The following CRK variants were observed in gnomAD, a reference collection of about 807,000 sequenced individuals.
CRK encodes CRK proto-oncogene, adaptor protein, also known as adapter molecule crk.
CRK carries 4 observed loss-of-function variants against 29.8 expected under a neutral mutation model. The ratio of observed to expected loss-of-function variants is 0.13; its 90% confidence interval spans 0.07 to 0.31. The LOEUF (loss-of-function observed/expected upper bound fraction) is 0.31. Ranked by LOEUF, CRK falls within the 10% of genes least tolerant of loss-of-function variation. The pLI is 1.00. For synonymous variants in CRK, 153 were observed against 164.9 expected (o/e 0.93, Z 0.55); for missense variants, 274 against 396.5 (o/e 0.69, Z 2.62).
At chr17:1,435,991 A>T (rs1297030248) in intron 2 of CRK, among the ~76,000 whole-genome samples, 1 of 152,172 alleles carries the variant, frequency 6.6e-6, no homozygotes, top group Admixed American at 6.6e-5. Context: ...TGGGCTGCCA[A>T]AGATATTTCA....
At chr17:1,427,636 TTTTG>T (rs1258565639) in intron 2 of CRK, among the ~76,000 whole-genome samples, 23 of 151,818 alleles carry the variant, frequency 1.5e-4, no homozygotes, top group African/African-American at 4.6e-4. Flanking sequence ...TCTTTATTCT[TTTTG>T]TTTGTTTGAG....
chr17:1,428,598 A>G (rs1232044394), intron 2 of CRK, among the ~76,000 whole-genome samples: 1 of 135,898 alleles, frequency 7.4e-6, no homozygotes, highest in African/African-American at 2.8e-5. Context: ...ATCTCAGCTC[A>G]CTGCAACCTC....
intron 2 of CRK, among the ~76,000 whole-genome samples, chr17:1,426,818 T>C (rs1568007716): frequency 1.3e-5 from 2 of 151,160 alleles, no homozygotes; most frequent in Non-Finnish European, 2.9e-5. Context: ...GCCGAGACTG[T>C]GCCACTGCAC....
At chr17:1,448,148 G>C (rs2073989210) in intron 1 of CRK, among the ~76,000 whole-genome samples, 2 of 151,614 alleles carry the variant, frequency 1.3e-5, no homozygotes, top group South Asian at 4.2e-4. Context: ...TTCCATCTGA[G>C]AAGATATATG....
Position 1,421,878 on chromosome 17 carries a change from C to A in CRK, c.*1635G>T, listed in dbSNP as rs1007692473. 1 of 152,176 alleles carries A rather than the reference C, an allele frequency of 6.6e-6. No homozygotes were observed. The highest frequency in any genetic ancestry group is 1.5e-5 in the Non-Finnish European group (1 of 68,040). The allele number at this position is 152,176 out of a possible 1,614,324, so 9.4% of individuals were successfully genotyped here. On this transcript the variant is annotated 3_prime_UTR_variant, in exon 3 of 3. Coordinates refer to ENST00000300574, the MANE Select transcript of CRK (RefSeq NM_016823.4). ...TCTATTGGTCATACCACACCAGAGA[C>A]CGGTAAGTGCCTTTATAGACTGAGA...
At chr17:1,451,017 C>T (rs1191114523) in intron 1 of CRK, among the ~76,000 whole-genome samples, 2 of 151,300 alleles carry the variant, frequency 1.3e-5, no homozygotes, top group South Asian at 4.2e-4. Context: ...ACGGTGAAAC[C>T]CCATCTCCAC....
intron 2 of CRK, among the ~76,000 whole-genome samples, chr17:1,435,163 G>A (rs1462568809): frequency 6.6e-6 from 1 of 152,028 alleles, no homozygotes; most frequent in Non-Finnish European, 1.5e-5. Flanking sequence ...AGGCTCAGGT[G>A]ATCCTCCCTC....
intron 1 of CRK, among the ~76,000 whole-genome samples, chr17:1,444,880 G>C (rs2073962617): frequency 6.6e-6 from 1 of 151,708 alleles, no homozygotes; most frequent in Non-Finnish European, 1.5e-5. Flanking sequence ...CAGGCACGAT[G>C]GCTCATGCCT....
At chr17:1,438,434 G>T (rs1053806264) in intron 1 of CRK, among the ~76,000 whole-genome samples, 1 of 151,980 alleles carries the variant, frequency 6.6e-6, no homozygotes, top group Non-Finnish European at 1.5e-5. Context: ...CTGGCCTCTG[G>T]TATCTTTTTA....
In CRK at chr17:1,437,022, A is replaced by G. The variant is rs146930761; in HGVS notation, c.375T>C (p.Ser125=). 1.8e-4 allele frequency: 293 copies of G among 1,614,090 alleles called. No individual in the cohort carries two copies. The African/African-American group carries it at 3.7e-3, about 20-fold the overall frequency. The part of the protein sequence containing the change: ...IEPVSRSRQG[S]GVILRQEEAE... ...CCTCCTCCTGCCTGAGAATCACTCC[A>G]CTACCCTGCCTGGATCTGGAAACTG... Residue 125 remains serine (S), a synonymous_variant, in exon 2 of 3, where the codon AGT becomes AGC. Coordinates refer to ENST00000300574, the MANE Select transcript of CRK (RefSeq NM_016823.4).
chr17:1,436,161 T>C (rs1446332969), intron 2 of CRK, among the ~76,000 whole-genome samples: 1 of 152,098 alleles, frequency 6.6e-6, no homozygotes, highest in Non-Finnish European at 1.5e-5. Flanking sequence ...CAATGAACAT[T>C]AGTGGTAAGG....
At chr17:1,450,975 A>G (rs912509263) in intron 1 of CRK, among the ~76,000 whole-genome samples, 5 of 151,780 alleles carry the variant, frequency 3.3e-5, no homozygotes, top group African/African-American at 1.2e-4. Context: ...GGCAGATCAC[A>G]AGGTCAGGAG....
At chr17:1,450,989 G>T (rs1174372395) in intron 1 of CRK, among the ~76,000 whole-genome samples, 2 of 151,644 alleles carry the variant, frequency 1.3e-5, no homozygotes, top group Non-Finnish European at 1.5e-5. Flanking sequence ...TCAGGAGATC[G>T]AGACCATCCT....
chr17:1,450,321 A>G (rs1206179865), intron 1 of CRK, among the ~76,000 whole-genome samples: 5 of 152,106 alleles, frequency 3.3e-5, no homozygotes, highest in African/African-American at 9.7e-5. Flanking sequence ...ATCCTGGCTA[A>G]CACGGTGAAA....
At chr17:1,449,122 C>G (rs1413333101) in intron 1 of CRK, among the ~76,000 whole-genome samples, 1 of 152,156 alleles carries the variant, frequency 6.6e-6, no homozygotes, top group African/African-American at 2.4e-5. Context: ...ACCACCCTAG[C>G]TTCTGTCCCA....
At chr17:1,454,185 G>A (rs1437607147) in intron 1 of CRK, among the ~76,000 whole-genome samples, 1 of 116,348 alleles carries the variant, frequency 8.6e-6, no homozygotes, top group Admixed American at 9.4e-5. Flanking sequence ...CTGGGCGACA[G>A]AGAGACTCCG....
At chr17:1,425,981 T>A (rs117003273) in intron 2 of CRK, among the ~76,000 whole-genome samples, 11 of 152,004 alleles carry the variant, frequency 7.2e-5, no homozygotes, top group African/African-American at 2.7e-4. Context: ...CTTGAGCCCA[T>A]GATTTTGAGA....
intron 2 of CRK, among the ~76,000 whole-genome samples, chr17:1,430,862 T>C (rs1325520885): frequency 3.3e-5 from 5 of 151,270 alleles, no homozygotes; most frequent in Admixed American, 6.6e-5. Flanking sequence ...GGTCAGCAGA[T>C]CGAGACCATC....
intron 1 of CRK, among the ~76,000 whole-genome samples, chr17:1,450,098 CA>C (rs1265192188): frequency 6.6e-6 from 1 of 152,032 alleles, no homozygotes; most frequent in East Asian, 1.9e-4. Flanking sequence ...GCTACCTACT[CA>C]AGAGGCTGAG....
Sources: allele counts gnomAD v4.1 joint callset (sites outside exome capture counted in the v4.1 genomes callset), GRCh38; gene constraint gnomAD v4.1.1; transcripts MANE v1.5; gene names NCBI Gene and HGNC (gene_info 2026-07-23, HGNC 2026-07-21).